The following FBXW11 variants were observed in gnomAD, a reference collection of about 807,000 sequenced individuals.
FBXW11 encodes the protein F-box and WD repeat domain containing 11.
FBXW11 carries 19 observed loss-of-function variants against 77.6 expected under a neutral mutation model. The ratio of observed to expected loss-of-function variants is 0.24; its 90% CI spans 0.17 to 0.36. The LOEUF (loss-of-function observed/expected upper bound fraction) is 0.36, where lower values mean the gene tolerates loss of function less well. FBXW11 is among the 10% of genes least tolerant of loss of function. The probability of loss-of-function intolerance (pLI) is 1.00; values close to 1 mark genes in which losing one functional copy is unlikely to be tolerated. For synonymous variants in FBXW11, 235 were observed against 249.4 expected, an observed-to-expected ratio of 0.94 and a Z score of 0.54; for missense variants, 334 against 704.2, an observed-to-expected ratio of 0.47 and a Z score of 5.95.
At chr5:171,997,930 C>A (rs952835713) in intron 1 of FBXW11, among the ~76,000 whole-genome samples, 4 of 152,152 alleles carry the variant, frequency 2.6e-5, no homozygotes, top group African/African-American at 9.7e-5. Flanking sequence ...TATAGTAATA[C>A]CTACCTTATT....
intron 1 of FBXW11, among the ~76,000 whole-genome samples, chr5:171,961,485 A>G (rs886393312): frequency 4.6e-5 from 7 of 152,242 alleles, no homozygotes; most frequent in African/African-American, 1.7e-4. Flanking sequence ...TTTTAGTAAG[A>G]AAGTCTGTAC....
At chr5:171,867,026 T>TTGGGGTCCACG (rs1295244904) in intron 13 of FBXW11, among the ~76,000 whole-genome samples, 1 of 152,182 alleles carries the variant, frequency 6.6e-6, no homozygotes, top group Non-Finnish European at 1.5e-5. Flanking sequence ...AACCAGTCCT[T>TTGGGGTCCACG]TGGGGTCCAC....
At chr5:171,898,429 A>G (rs1759896043) in intron 6 of FBXW11, among the ~76,000 whole-genome samples, 1 of 152,240 alleles carries the variant, frequency 6.6e-6, no homozygotes, top group African/African-American at 2.4e-5. Context: ...TGAACTAATT[A>G]GAACACATGA....
In FBXW11 at chr5:171,967,855, CATATATAT is replaced by C. The variant is rs375683631; in HGVS notation, c.46-10165_46-10158del. 5.2e-3 allele frequency among the ~76,000 whole-genome samples: 612 copies of C among 118,492 alleles called. 1 individual carries two copies. Among genetic ancestry groups the C allele is most frequent in the Middle Eastern group, 0.013 (3 of 232 alleles). 77.7% of individuals were successfully genotyped at this position (118,492 alleles called of 152,430 possible). A position where few individuals can be genotyped will look rare whatever the true frequency, so the allele number is the denominator to read the frequency against. ...ACTCTGTCTCAAAAAAAAAAAAATG[CATATATAT>C]ATATATATATATATATATATACACA... On this transcript the variant is annotated intron_variant, in intron 1 of 13. Transcript: ENST00000517395.
In FBXW11 at chr5:172,006,553, C is replaced by A; in HGVS notation, c.-51G>T. ...TCTCCCCGCGCAGCAGCGAACGGCC[C>A]GGGCGGAGGAGGCGACGGCGGAGGC... On this transcript the variant is annotated 5_prime_UTR_variant, in exon 1 of 14. Coordinates refer to ENST00000517395, the MANE Select transcript of FBXW11 (RefSeq NM_001378974.1). 6.8e-7 allele frequency: 1 copy of A among 1,462,830 alleles called. No individual in the cohort carries two copies. Among genetic ancestry groups the A allele is most frequent in the Non-Finnish European group, 9.1e-7 (1 of 1,104,786 alleles). 90.6% of individuals were successfully genotyped at this position (1,462,830 alleles called of 1,614,324 possible). A position where few individuals can be genotyped will look rare whatever the true frequency, so the allele number is the denominator to read the frequency against.
In FBXW11 at chr5:171,996,512, A is replaced by T. The variant is rs536659180; in HGVS notation, c.45+9946T>A. 9.9e-5 allele frequency among the ~76,000 whole-genome samples: 15 copies of T among 152,250 alleles called. No homozygotes were observed. The East Asian group carries it at 2.9e-3, about 29-fold the overall frequency. ...TGAGACCCTGTCTCTACAAAAAAGA[A>T]ATTAGCTGAGCATAGTGACATGTGC... On this transcript the variant is annotated intron_variant, in intron 1 of 13. Transcript: ENST00000517395.
chr5:171,917,327 A>G (rs839296), intron 2 of FBXW11, among the ~76,000 whole-genome samples: 4,259 of 152,284 alleles, frequency 0.028, 131 homozygotes, highest in African/African-American at 0.071. Context: ...CTTAAGATGG[A>G]AACACAAGAA....
At chr5:171,946,748 T>C (rs929351957) in intron 2 of FBXW11, among the ~76,000 whole-genome samples, 14 of 151,602 alleles carry the variant, frequency 9.2e-5, no homozygotes, top group Non-Finnish European at 1.9e-4. Context: ...CTTGGGGTGC[T>C]CTATTCCCCC....
chr5:171,874,223 T>C (rs1408871424), intron 9 of FBXW11, among the ~76,000 whole-genome samples: 1 of 152,164 alleles, frequency 6.6e-6, no homozygotes, highest in Non-Finnish European at 1.5e-5. Flanking sequence ...TAGACATTTC[T>C]CCAGAGAAGG....
intron 4 of FBXW11, among the ~76,000 whole-genome samples, chr5:171,906,511 T>C (rs1760535449): frequency 6.6e-6 from 1 of 152,206 alleles, no homozygotes; most frequent in African/African-American, 2.4e-5. Context: ...GGGTGAATAA[T>C]TAAAATTTCC....
intron 5 of FBXW11, among the ~76,000 whole-genome samples, chr5:171,899,654 G>A (rs1364625991): frequency 6.6e-6 from 1 of 151,028 alleles, no homozygotes; most frequent in East Asian, 2.0e-4. Flanking sequence ...TAAGCAAAAT[G>A]TGAAGGAAAA....
intron 6 of FBXW11, among the ~76,000 whole-genome samples, chr5:171,894,450 A>T (rs1478388159): frequency 6.6e-6 from 1 of 152,210 alleles, no homozygotes; most frequent in African/African-American, 2.4e-5. Flanking sequence ...CTGTTTTAGA[A>T]TCATTAGTTT....
intron 1 of FBXW11, among the ~76,000 whole-genome samples, chr5:171,987,012 A>G (rs1441700912): frequency 6.6e-6 from 1 of 152,184 alleles, no homozygotes; most frequent in Non-Finnish European, 1.5e-5. Flanking sequence ...ATTCTCACAG[A>G]AGCAGGAACC....
rs1757149489 is a variant in FBXW11, at chr5:171,862,453, G to C, written c.*1674C>G. 6.6e-6 allele frequency: 1 copy of C among 152,636 alleles called. No individual in the cohort carries two copies. The highest frequency in any genetic ancestry group is 2.4e-5 in the African/African-American group (1 of 41,436). The allele number at this position is 152,636 out of a possible 1,614,324, so 9.5% of individuals were successfully genotyped here. A position where few individuals can be genotyped will look rare whatever the true frequency, so the allele number is the denominator to read the frequency against. On this transcript the variant is annotated 3_prime_UTR_variant, in exon 14 of 14. Coordinates refer to ENST00000517395, the MANE Select transcript of FBXW11 (RefSeq NM_001378974.1). ...GCCCAGGGCCTTCCCTTTAGTAGTAGAGTGTGCTTCCACGGGAAGAGGTTT... is the reference window on the plus strand; with the variant it reads ...GCCCAGGGCCTTCCCTTTAGTAGTACAGTGTGCTTCCACGGGAAGAGGTTT...
chr5:171,968,161 T>C (rs1042450418), intron 1 of FBXW11, among the ~76,000 whole-genome samples: 1 of 151,922 alleles, frequency 6.6e-6, no homozygotes, highest in African/African-American at 2.4e-5. Flanking sequence ...TTAGGACAGC[T>C]ATAAGAATTT....
chr5:171,910,957 T>C (rs1447901491), intron 3 of FBXW11, among the ~76,000 whole-genome samples, 160 bp from the exon 4 acceptor site: 2 of 152,206 alleles, frequency 1.3e-5, no homozygotes, highest in Non-Finnish European at 2.9e-5. Context: ...GAATTAAAAA[T>C]GTATTCAGGG....
chr5:171,869,158 T>C lies in FBXW11; in HGVS notation c.1531-362A>G, dbSNP rs1342121614. 6.6e-6 allele frequency among the ~76,000 whole-genome samples: 1 copy of C among 152,182 alleles called. No homozygotes were observed. Among genetic ancestry groups the C allele is most frequent in the Non-Finnish European group, 1.5e-5 (1 of 68,024 alleles). ...ACAGTTTGTTTTAACATGACCAGGA[T>C]CTACCTCAAATTGCTGCCAGCATCA... On this transcript the variant is annotated intron_variant, in intron 12 of 13. Coordinates refer to ENST00000517395, the MANE Select transcript of FBXW11 (RefSeq NM_001378974.1). The surrounding 1 kb of genome is among the most constrained non-coding windows in gnomAD (Gnocchi z 4.1).
chr5:171,875,249 T>TA (rs1561636108), intron 9 of FBXW11, among the ~76,000 whole-genome samples: 28 of 38,784 alleles, frequency 7.2e-4, no homozygotes, highest in African/African-American at 1.7e-3. Flanking sequence ...ATCTGTACTT[T>TA]TAAAAAAAAA....
At chr5:171,896,776 G>C (rs1346691405) in intron 6 of FBXW11, among the ~76,000 whole-genome samples, 1 of 152,080 alleles carries the variant, frequency 6.6e-6, no homozygotes, top group Non-Finnish European at 1.5e-5. Flanking sequence ...ATCACCCAAC[G>C]TGGTTTGATA....
Sources: allele counts gnomAD v4.1 joint callset (sites outside exome capture counted in the v4.1 genomes callset), GRCh38; gene constraint gnomAD v4.1.1; non-coding constraint Gnocchi (gnomAD v3.1); transcripts MANE v1.5; gene names NCBI Gene and HGNC (gene_info 2026-07-23, HGNC 2026-07-21).